The following TEX36 variants were observed in gnomAD, a reference collection of about 807,000 sequenced individuals.
TEX36 encodes testis-expressed protein 36.
In TEX36, 12 loss-of-function variants were observed where a neutral mutation model predicts 13.6. The observed-to-expected ratio is 0.88, with a 90% CI of 0.56 to 1.43. The LOEUF (loss-of-function observed/expected upper bound fraction) is 1.43, where lower values mean the gene tolerates loss of function less well. Among genes scored for constraint, TEX36 ranks in the 40% most tolerant of loss-of-function variants. TEX36 has a pLI of 0.00. For synonymous variants in TEX36, 93 were observed against 83.0 expected (o/e 1.12, Z -0.65); for missense variants, 224 against 228.3 (o/e 0.98, Z 0.12).
At chr10:125,667,375 G>A (rs1171957243) in intron 1 of TEX36, 6 of 650,312 alleles carry the variant, frequency 9.2e-6, no homozygotes, top group South Asian at 2.9e-5. Context: ...CCCCATTAGG[G>A]GGGATCTCAG....
rs758840110 is a variant in TEX36, at chr10:125,655,702, G to C, written c.*198C>G. Reference sequence around the variant, plus strand: ...TTAAAACTCCCCAAAAGTAAATGTGGCCATCTGAAAAGTTTATTTACACAT... The same window carrying C: ...TTAAAACTCCCCAAAAGTAAATGTGCCCATCTGAAAAGTTTATTTACACAT... On this transcript the variant is annotated 3_prime_UTR_variant, in exon 4 of 4. Coordinates refer to ENST00000368821, the MANE Select transcript of TEX36 (RefSeq NM_001128202.3). The C allele has an allele frequency of 8.0e-7, 1 of 1,255,754 alleles. No homozygotes were observed. The allele number at this position is 1,255,754 out of a possible 1,614,324, so 77.8% of individuals were successfully genotyped here.
intron 3 of TEX36, among the ~76,000 whole-genome samples, chr10:125,650,478 T>C (rs1324683267): frequency 1.3e-5 from 2 of 152,138 alleles, no homozygotes; most frequent in Non-Finnish European, 1.5e-5. Flanking sequence ...TACCAGAATC[T>C]CTGGGACCCA....
chr10:125,619,471 T>G (rs562183775), downstream of TEX36, among the ~76,000 whole-genome samples: 1 of 152,266 alleles, frequency 6.6e-6, no homozygotes, highest in African/African-American at 2.4e-5. Flanking sequence ...GTCTGCTCCT[T>G]GAGAACACGG....
At chr10:125,597,796 G>T (rs1319387652) in intron 3 of TEX36, among the ~76,000 whole-genome samples, 6 of 152,152 alleles carry the variant, frequency 3.9e-5, no homozygotes, top group African/African-American at 1.4e-4. Context: ...AATGACAATG[G>T]TTGGCATTTT....
At chr10:125,637,883 G>GA (rs1477212235) in intron 3 of TEX36, among the ~76,000 whole-genome samples, 8 of 151,870 alleles carry the variant, frequency 5.3e-5, no homozygotes, top group African/African-American at 9.7e-5. Context: ...AGTTCTGTTG[G>GA]AAAAATCCCA....
intron 3 of TEX36, among the ~76,000 whole-genome samples, chr10:125,638,898 C>T (rs962669420): frequency 5.3e-5 from 8 of 152,230 alleles, no homozygotes; most frequent in Non-Finnish European, 7.3e-5. Flanking sequence ...ATGCTCCTTC[C>T]GTCTGCTGAA....
At chr10:125,607,036 C>T (rs901785461) in intron 3 of TEX36, among the ~76,000 whole-genome samples, 3 of 152,210 alleles carry the variant, frequency 2.0e-5, no homozygotes, top group African/African-American at 7.2e-5. Context: ...TGCCTTCATT[C>T]ACATGCAAAT....
intron 1 of TEX36, among the ~76,000 whole-genome samples, chr10:125,682,164 C>CT (rs75638908): frequency 0.028 from 4,296 of 152,192 alleles, 137 homozygotes; most frequent in African/African-American, 0.073. Flanking sequence ...AGGCTTGAGG[C>CT]TTGTCGGCCA....
At chr10:125,674,951 G>A (rs1847289309) in intron 1 of TEX36, among the ~76,000 whole-genome samples, 2 of 152,386 alleles carry the variant, frequency 1.3e-5, no homozygotes, top group African/African-American at 4.8e-5. Context: ...GGCAAAGTGG[G>A]TGCATTGAGC....
chr10:125,663,712 T>A (rs569439150), intron 1 of TEX36, among the ~76,000 whole-genome samples: 1 of 152,296 alleles, frequency 6.6e-6, no homozygotes, highest in Non-Finnish European at 1.5e-5. Flanking sequence ...TTAAATTTTT[T>A]AAATTTTTTA....
At chr10:125,606,487 C>T (rs1846217504) in intron 3 of TEX36, among the ~76,000 whole-genome samples, 1 of 152,138 alleles carries the variant, frequency 6.6e-6, no homozygotes, top group East Asian at 1.9e-4. Flanking sequence ...TTAAACACAT[C>T]AGTGTTTCTT....
chr10:125,628,761 A>G (rs1334717711), intron 3 of TEX36, among the ~76,000 whole-genome samples: 1 of 152,218 alleles, frequency 6.6e-6, no homozygotes, highest in African/African-American at 2.4e-5. Context: ...GATAAAAAGT[A>G]AGAGTAGTTA....
At chr10:125,601,360 G>A (rs1009318397) in intron 3 of TEX36, among the ~76,000 whole-genome samples, 7 of 152,262 alleles carry the variant, frequency 4.6e-5, no homozygotes, top group African/African-American at 1.4e-4. Flanking sequence ...GCAATGCCAG[G>A]TTCCCATCTC....
chr10:125,606,453 G>A (rs1219424743), intron 3 of TEX36, among the ~76,000 whole-genome samples: 1 of 152,092 alleles, frequency 6.6e-6, no homozygotes, highest in South Asian at 2.1e-4. Context: ...ATGTTATTCC[G>A]TCAAATCAGT....
intron 1 of TEX36, among the ~76,000 whole-genome samples, chr10:125,679,449 G>A (rs999843663): frequency 1.3e-5 from 2 of 152,188 alleles, no homozygotes; most frequent in Non-Finnish European, 2.9e-5. Flanking sequence ...AAGGAACCCA[G>A]CATGACCTTC....
chr10:125,602,606 A>C (rs966793631), intron 3 of TEX36, among the ~76,000 whole-genome samples: 2 of 152,130 alleles, frequency 1.3e-5, no homozygotes, highest in African/African-American at 4.8e-5. Flanking sequence ...TTCATCATTC[A>C]TTCATTCATT....
In TEX36 at chr10:125,595,509, A is replaced by T. The variant is rs183071850; in HGVS notation, c.265-18635T>A. Among the ~76,000 whole-genome samples, 446 of 152,278 alleles carry T rather than the reference A, an allele frequency of 2.9e-3. 1 individual carries two copies. The highest frequency in any genetic ancestry group is 9.9e-3 in the Admixed American group (152 of 15,298). ...GGGATCTATTTAAAGTATAAGTCAGATACATCACCGACCTGCTCAGTAGCC... is the reference window on the plus strand; with the variant it reads ...GGGATCTATTTAAAGTATAAGTCAGTTACATCACCGACCTGCTCAGTAGCC... On this transcript the variant is annotated intron_variant, in intron 3 of 3. Coordinates refer to the TEX36 transcript ENST00000532135.
At chr10:125,594,185 C>T (rs1254737946) in intron 3 of TEX36, among the ~76,000 whole-genome samples, 2 of 152,202 alleles carry the variant, frequency 1.3e-5, no homozygotes, top group African/African-American at 4.8e-5. Flanking sequence ...AAATTTTAAA[C>T]TTCTGGTTTC....
exon 4 of TEX36, chr10:125,621,630 A>T (rs1846430425): frequency 2.2e-6 from 1 of 455,946 alleles, no homozygotes; most frequent in African/African-American, 2.0e-5. Context: ...AAGTCCCACG[A>T]TAGGCCATCT....
Sources: gnomAD v4.1 joint callset for allele counts (sites outside exome capture counted in the v4.1 genomes callset) on GRCh38, gnomAD v4.1.1 for gene constraint, MANE v1.5 for transcripts, NCBI Gene and HGNC (gene_info 2026-07-23, HGNC 2026-07-21) for gene names.